ITPR3: variants seen among roughly 807,000 people sequenced by gnomAD.
ITPR3 encodes inositol 1,4,5-trisphosphate receptor type 3, also known as inositol 1,4,5-trisphosphate-gated calcium channel ITPR3.
A neutral mutation model predicts 293.2 loss-of-function variants in ITPR3; 173 were observed. That is an observed-to-expected ratio of 0.59 (90% CI 0.52 to 0.67). The LOEUF is 0.67. Among genes scored for constraint, ITPR3 ranks in the 30% least tolerant of loss-of-function variants. ITPR3 has a pLI of 0.00. For missense variants in ITPR3, 2,796 were observed against 3,592.1 expected (o/e 0.78, Z 5.66); for synonymous variants, 1,295 against 1,444.4 (o/e 0.90, Z 2.35).
intron 56 of ITPR3, among the ~76,000 whole-genome samples, 186 bp downstream of exon 56, chr6:33,693,891 AAGGTCAGC>A (rs1765463496): frequency 1.3e-5 from 2 of 152,238 alleles, no homozygotes; most frequent in African/African-American, 4.8e-5. Flanking sequence ...CACTTGTTGA[AAGGTCAGC>A]AGGGCGAGGA....
Position 33,658,621 on chromosome 6 carries a change from G to A in ITPR3, c.370-49G>A. 1 of 1,603,006 alleles carries A rather than the reference G, an allele frequency of 6.2e-7. No individual in the cohort carries two copies. Among genetic ancestry groups the A allele is most frequent in the South Asian group, 1.1e-5 (1 of 89,658 alleles). On this transcript the variant is annotated intron_variant, in intron 4 of 57. Coordinates refer to ENST00000605930, the MANE Select transcript of ITPR3 (RefSeq NM_002224.4). The surrounding 1 kb of genome is among the most constrained non-coding windows in gnomAD (Gnocchi z 6.1). ...TCCCCCCATATCCCCTCCCTAATGGGCCGACTCCTGTGGCGCGGTGACCTT... is the reference window on the plus strand; with the variant it reads ...TCCCCCCATATCCCCTCCCTAATGGACCGACTCCTGTGGCGCGGTGACCTT...
chr6:33,689,534 C>T (rs1765333750), intron 50 of ITPR3, 124 bp downstream of exon 50: 3 of 1,114,106 alleles, frequency 2.7e-6, no homozygotes, highest in East Asian at 5.1e-5. Flanking sequence ...CTGTTGGGCT[C>T]CCAAGTTCCT....
intron 33 of ITPR3, among the ~76,000 whole-genome samples, chr6:33,681,377 G>C (rs1479996352): frequency 6.6e-6 from 1 of 152,192 alleles, no homozygotes; most frequent in Non-Finnish European, 1.5e-5. Flanking sequence ...AGGATCCTTC[G>C]TGCTGGCTAG....
rs1262873532 is a variant in ITPR3, at chr6:33,678,432, G to C, written c.3660G>C (p.Lys1220Asn). The C allele has an allele frequency of 5.0e-6, 8 of 1,613,532 alleles. No homozygotes were observed. Among genetic ancestry groups the C allele is most frequent in the Non-Finnish European group, 6.8e-6 (8 of 1,179,930 alleles). Residue 1220 changes from lysine to asparagine, a missense_variant, in exon 29 of 58, where the codon AAG (lysine) becomes AAC (asparagine). Physicochemically the swap from Lys to Asn is moderately conservative, Grantham distance 94. Around this residue, in one of 8 missense-constraint regions of ITPR3, gnomAD observed 344 missense variants for 460.3 expected, o/e 0.75. Transcript: ENST00000605930. ...ACTCCTGTGTCCAGGGTGATGCCAAGATGATGGAGATCCTGCGCTACACGC... is the reference window on the plus strand; with the variant it reads ...ACTCCTGTGTCCAGGGTGATGCCAACATGATGGAGATCCTGCGCTACACGC... ...LQIPYDKGDA[K>N]MMEILRYTHQ...
rs1765407662 is a variant in ITPR3 at position 33,692,005 on chromosome 6, C to T, written c.7458+77C>T. 1.3e-6 allele frequency: 2 copies of T among 1,581,474 alleles called. No individual in the cohort carries two copies. Among genetic ancestry groups the T allele is most frequent in the East Asian group, 2.2e-5 (1 of 44,532 alleles). On this transcript the variant is annotated intron_variant, in intron 54 of 57. Transcript: ENST00000605930. This position sits in a 1 kb window ranked among gnomAD's most constrained non-coding sequence, Gnocchi z 4.2. ...ATCAGCAACTGTGGAGAGTCCTGTC[C>T]TTGGCCTCGCGTCAGATATTCAGGG...
intron 26 of ITPR3, 28 bp from the exon 27 acceptor site, chr6:33,676,987 C>G (rs1561873141): frequency 6.2e-7 from 1 of 1,614,010 alleles, no homozygotes; most frequent in Non-Finnish European, 8.5e-7. Flanking sequence ...CTGGGCCTGG[C>G]TGATCTCCTT....
chr6:33,677,314 T>C (rs538647669), intron 27 of ITPR3, among the ~76,000 whole-genome samples, 190 bp from the exon 28 acceptor site: 2 of 152,352 alleles, frequency 1.3e-5, no homozygotes, highest in South Asian at 4.1e-4. Context: ...CATATTGTTC[T>C]ATTTACTTTT....
chr6:33,678,920 A>G, intron 30 of ITPR3, 81 bp downstream of exon 30: 1 of 1,391,962 alleles, frequency 7.2e-7, no homozygotes, highest in Non-Finnish European at 9.9e-7. Flanking sequence ...CCACAGAGTT[A>G]GAGAAGTCAG....
At position 33,665,176 on chromosome 6, in the gene ITPR3, A is replaced by G; in HGVS notation, c.1372A>G (p.Lys458Glu). The G allele has an allele frequency of 6.2e-7, 1 of 1,614,102 alleles. No individual in the cohort carries two copies. The highest frequency in any genetic ancestry group is 8.5e-7 in the Non-Finnish European group (1 of 1,179,998). Residue 458 changes from lysine to glutamate, a missense_variant, in exon 13 of 58, where the codon AAA becomes GAA. Around this residue, in one of 8 missense-constraint regions of ITPR3, gnomAD observed 955 missense variants for 1,180.8 expected, o/e 0.81. Transcript: ENST00000605930. Reference sequence around the variant, plus strand: ...CTCCATGCTGGCCAGTGCCGTGGAGAAACTCAACGAGGGCTTCATCAGCCA... The same window carrying G: ...CTCCATGCTGGCCAGTGCCGTGGAGGAACTCAACGAGGGCTTCATCAGCCA... ...ASSMLASAVE[K>E]LNEGFISQND...
chr6:33,684,073 G>A lies in ITPR3; in HGVS notation c.4842G>A (p.Leu1614=). 1 of 1,611,632 alleles carries A rather than the reference G, an allele frequency of 6.2e-7. No individual in the cohort carries two copies. The highest frequency in any genetic ancestry group is 1.1e-5 in the South Asian group (1 of 91,004). Residue 1614 remains leucine (L), a synonymous_variant, in exon 36 of 58, where the codon CTG becomes CTA. Coordinates refer to ENST00000605930, the MANE Select transcript of ITPR3 (RefSeq NM_002224.4). The surrounding 1 kb of genome is among the most constrained non-coding windows in gnomAD (Gnocchi z 4.2). ...TGAAGCCCCTGGTACAGGCTGAGCT[G>A]TCCGTGCTGGTGGATGTCCTGCACT... The part of the protein sequence containing the change: ...ERLKPLVQAE[L]SVLVDVLHWP...
At chr6:33,636,610 G>A (rs1380362946) in intron 1 of ITPR3, among the ~76,000 whole-genome samples, 1 of 151,938 alleles carries the variant, frequency 6.6e-6, no homozygotes, top group Non-Finnish European at 1.5e-5. Flanking sequence ...AGTTGCCATC[G>A]ACTGAGATGG....
chr6:33,667,077 G>A lies in ITPR3; in HGVS notation c.1552-52G>A, dbSNP rs1308177256. 16 of 1,590,318 alleles carry A rather than the reference G, an allele frequency of 1.0e-5. No homozygotes were observed. The highest frequency in any genetic ancestry group is 1.3e-5 in the Non-Finnish European group (15 of 1,165,200). On this transcript the variant is annotated intron_variant, in intron 14 of 57. Coordinates refer to ENST00000605930, the MANE Select transcript of ITPR3 (RefSeq NM_002224.4). The surrounding 1 kb of genome is among the most constrained non-coding windows in gnomAD (Gnocchi z 4.4). ...CAGGGATGACTCCTGGGATGACTTAGGGGTACAGACAGGTGTTGGGGAATC... is the reference window on the plus strand; with the variant it reads ...CAGGGATGACTCCTGGGATGACTTAAGGGTACAGACAGGTGTTGGGGAATC...
chr6:33,693,159 T>G (rs1765440101), intron 55 of ITPR3, among the ~76,000 whole-genome samples: 1 of 152,220 alleles, frequency 6.6e-6, no homozygotes, highest in African/African-American at 2.4e-5. Flanking sequence ...GCTTCTGGTC[T>G]CAGTCCAGTG....
intron 55 of ITPR3, among the ~76,000 whole-genome samples, 161 bp from the exon 56 acceptor site, chr6:33,693,384 C>T (rs905644014): frequency 1.3e-5 from 2 of 152,214 alleles, no homozygotes; most frequent in African/African-American, 4.8e-5. Flanking sequence ...GTGGCTGCTG[C>T]TTTAAATAGA....
At chr6:33,678,919 T>TA in intron 30 of ITPR3, 80 bp downstream of exon 30, 1 of 1,415,664 alleles carries the variant, frequency 7.1e-7, no homozygotes, top group East Asian at 2.4e-5. Flanking sequence ...GCCACAGAGT[T>TA]AGAGAAGTCA....
At chr6:33,639,460 A>T (rs891459879) in intron 1 of ITPR3, among the ~76,000 whole-genome samples, 2 of 152,022 alleles carry the variant, frequency 1.3e-5, no homozygotes, top group African/African-American at 4.8e-5. Context: ...CTTTGAAATC[A>T]GCTCTGTGGG....
In ITPR3 at chr6:33,669,132, ACGAGAATGTG is replaced by A. The variant is rs772050354; in HGVS notation, c.2167_2176del (p.Glu723SerfsTer8). 1 of 1,613,982 alleles carries A rather than the reference ACGAGAATGTG, an allele frequency of 6.2e-7. No homozygotes were observed. Among genetic ancestry groups the A allele is most frequent in the Non-Finnish European group, 8.5e-7 (1 of 1,179,938 alleles). On this transcript the variant is annotated frameshift_variant, in exon 18 of 58. Transcript: ENST00000605930. LOFTEE classifies it high-confidence loss of function. ...GAGGCGCGGGCCGGCAACGCCCACGACGAGAATGTGCTCAGCTACTACAGGTGCCCCGCCC... is the reference window on the plus strand; with the variant it reads ...GAGGCGCGGGCCGGCAACGCCCACGACTCAGCTACTACAGGTGCCCCGCCC...
intron 48 of ITPR3, 71 bp from the exon 49 acceptor site, chr6:33,688,585 G>A: frequency 6.3e-7 from 1 of 1,594,240 alleles, no homozygotes; most frequent in Non-Finnish European, 8.5e-7. Flanking sequence ...TCCTGAGCGG[G>A]GCCCCACATG....
chr6:33,658,949 AG>A lies in ITPR3; in HGVS notation c.529-69del, dbSNP rs1764382838. ...TCTTAGAAGGGCAGACTGAGACCAA[AG>A]GGAGGCCTGGAGGCGTGGTGACAAG... On this transcript the variant is annotated intron_variant, in intron 5 of 57. Coordinates refer to ENST00000605930, the MANE Select transcript of ITPR3 (RefSeq NM_002224.4). This position sits in a 1 kb window ranked among gnomAD's most constrained non-coding sequence, Gnocchi z 6.1. 1 of 1,600,142 alleles carries A rather than the reference AG, an allele frequency of 6.2e-7. No individual in the cohort carries two copies. The highest frequency in any genetic ancestry group is 8.6e-7 in the Non-Finnish European group (1 of 1,168,444).
Sources: allele counts gnomAD v4.1 joint callset (sites outside exome capture counted in the v4.1 genomes callset), GRCh38; gene constraint gnomAD v4.1.1; regional missense constraint gnomAD v4.1.1; non-coding constraint Gnocchi (gnomAD v3.1); transcripts MANE v1.5; gene names NCBI Gene and HGNC (gene_info 2026-07-23, HGNC 2026-07-21).